The following CHRM3 variants were observed in gnomAD, a reference collection of about 807,000 sequenced individuals.
CHRM3 encodes muscarinic acetylcholine receptor M3.
In CHRM3, 11 loss-of-function variants were observed where a neutral mutation model predicts 41.8. The observed-to-expected ratio is 0.26, with a 90% CI of 0.17 to 0.44. CHRM3 has a LOEUF of 0.44. Among genes scored for constraint, CHRM3 ranks in the 20% least tolerant of loss-of-function variants. The pLI is 1.00. For missense variants in CHRM3, 571 were observed against 745.4 expected (o/e 0.77, Z 2.72); for synonymous variants, 297 against 301.4 (o/e 0.99, Z 0.15).
chr1:239,446,170 C>A (rs4584379), intron 1 of CHRM3, among the ~76,000 whole-genome samples: 1 of 151,590 alleles, frequency 6.6e-6, no homozygotes, highest in Non-Finnish European at 1.5e-5. Context: ...CTCCTGACCT[C>A]GTGATCCGCC....
At chr1:239,864,777 A>G (rs12097595) in intron 6 of CHRM3, among the ~76,000 whole-genome samples, 6,258 of 152,240 alleles carry the variant, frequency 0.041, 440 homozygotes, top group African/African-American at 0.14. Flanking sequence ...TTGATTCTCT[A>G]CCTATAGAAT....
chr1:239,669,843 C>T (rs1375541858), intron 4 of CHRM3, among the ~76,000 whole-genome samples: 4 of 152,184 alleles, frequency 2.6e-5, no homozygotes, highest in Non-Finnish European at 5.9e-5. Context: ...ACCCACTATA[C>T]CCATCTTGCA....
intron 5 of CHRM3, among the ~76,000 whole-genome samples, chr1:239,779,559 C>A (rs1668357390): frequency 6.6e-6 from 1 of 152,190 alleles, no homozygotes; most frequent in South Asian, 2.1e-4. Context: ...CATGGCAAAA[C>A]CGCGTCTCTA....
intron 3 of CHRM3, among the ~76,000 whole-genome samples, chr1:239,599,979 A>G (rs756853460): frequency 6.6e-6 from 1 of 152,180 alleles, no homozygotes; most frequent in Non-Finnish European, 1.5e-5. Flanking sequence ...ACTCTCACAC[A>G]TAAAATGCAC....
chr1:239,868,291 A>T (rs1166596478), intron 6 of CHRM3, among the ~76,000 whole-genome samples: 1 of 152,194 alleles, frequency 6.6e-6, no homozygotes, highest in East Asian at 1.9e-4. Context: ...CTCTAGTACA[A>T]ATCTCCACTG....
chr1:239,566,160 C>G (rs568903434), intron 3 of CHRM3, among the ~76,000 whole-genome samples: 1 of 152,032 alleles, frequency 6.6e-6, no homozygotes, highest in African/African-American at 2.4e-5. Flanking sequence ...GCAATTCTCC[C>G]GCCCTCTCTC....
rs191724207 is a variant in CHRM3 at position 239,904,599 on chromosome 1, T to C, written c.-19-2834T>C. Among the ~76,000 whole-genome samples, 10 of 152,274 alleles carry C rather than the reference T, an allele frequency of 6.6e-5. 1 individual carries two copies. The highest frequency in any genetic ancestry group is 1.5e-5 in the Non-Finnish European group (1 of 68,016). The stretch of plus-strand genomic sequence containing the variant: ...GAATGTAATTGTGGGCTACAAACAG[T>C]GTGTAACACTTCCCAAACCCAGACA... On this transcript the variant is annotated intron_variant, in intron 6 of 6. Transcript: ENST00000676153.
chr1:239,777,350 C>T (rs967008747), intron 5 of CHRM3, among the ~76,000 whole-genome samples: 5 of 152,128 alleles, frequency 3.3e-5, no homozygotes, highest in African/African-American at 1.2e-4. Context: ...TCTCAAGGAA[C>T]TGTGATTGAA....
At position 239,907,478 on chromosome 1, in the gene CHRM3, C is replaced by T; in HGVS notation, c.27C>T (p.Thr9=). MTLHNNST[T]SPLFPNISSS... ...TGACCTTGCACAATAACAGTACAAC[C>T]TCGCCTTTGTTTCCAAACATCAGCT... is the stretch of plus-strand genomic sequence containing the variant. The change falls in exon 7 of 7, where the codon ACC becomes ACT. Residue 9 remains threonine, a synonymous_variant. Transcript: ENST00000676153. This position sits in a 1 kb window ranked among gnomAD's most constrained non-coding sequence, Gnocchi z 5.4. The T allele has an allele frequency of 6.2e-7, 1 of 1,614,042 alleles. No individual in the cohort carries two copies. The highest frequency in any genetic ancestry group is 2.2e-5 in the East Asian group (1 of 44,876).
chr1:239,564,836 T>C (rs138634124), intron 3 of CHRM3, among the ~76,000 whole-genome samples: 94 of 152,282 alleles, frequency 6.2e-4, no homozygotes, highest in African/African-American at 2.2e-3. Context: ...TAAAATGCCA[T>C]GTACTTATTT....
rs932637041 is a variant in CHRM3 at position 239,410,598 on chromosome 1, T to C, written c.-521+23371T>C. 2.0e-5 allele frequency among the ~76,000 whole-genome samples: 3 copies of C among 152,208 alleles called. No individual in the cohort carries two copies. In the East Asian group the frequency reaches 5.8e-4, roughly 29 times the overall value. On this transcript the variant is annotated intron_variant, in intron 1 of 6. Transcript: ENST00000676153. Reference sequence around the variant, plus strand: ...GCGAGACAGCAGTGATCTCACGGTCTGTCACATCTCATAGTCTTTTACCTC... The same window carrying C: ...GCGAGACAGCAGTGATCTCACGGTCCGTCACATCTCATAGTCTTTTACCTC...
chr1:239,886,554 T>C (rs1678089222), intron 6 of CHRM3: 1 of 152,198 alleles, frequency 6.6e-6, no homozygotes, highest in African/African-American at 2.4e-5. Flanking sequence ...GAGCGTAACA[T>C]CTGGTCAGAG....
chr1:239,710,978 A>G (rs1316737080), intron 5 of CHRM3, among the ~76,000 whole-genome samples: 1 of 151,886 alleles, frequency 6.6e-6, no homozygotes, highest in African/African-American at 2.4e-5. Context: ...TGAGTTTTCA[A>G]AACTATTTGA....
At chr1:239,605,899 A>C (rs1405640908) in intron 3 of CHRM3, 2 of 152,206 alleles carry the variant, frequency 1.3e-5, no homozygotes, top group Non-Finnish European at 2.9e-5. Context: ...CTTTAGGTTC[A>C]GTTTCCAAGG....
chr1:239,757,332 A>G (rs1472800591), intron 5 of CHRM3, among the ~76,000 whole-genome samples: 1 of 152,150 alleles, frequency 6.6e-6, no homozygotes, highest in Non-Finnish European at 1.5e-5. Flanking sequence ...TATACAACCT[A>G]TTTTGAAGGA....
At chr1:239,725,496 T>A (rs976314295) in intron 5 of CHRM3, among the ~76,000 whole-genome samples, 2 of 151,974 alleles carry the variant, frequency 1.3e-5, no homozygotes, top group Non-Finnish European at 2.9e-5. Flanking sequence ...GATGTTTCTA[T>A]GCCAAAATGT....
At chr1:239,812,848 G>A (rs957302894) in intron 5 of CHRM3, among the ~76,000 whole-genome samples, 1 of 152,172 alleles carries the variant, frequency 6.6e-6, no homozygotes, top group African/African-American at 2.4e-5. Flanking sequence ...AATGTCCAAG[G>A]TCACATAGGT....
intron 6 of CHRM3, among the ~76,000 whole-genome samples, chr1:239,845,033 A>G (rs1674149446): frequency 6.6e-6 from 1 of 152,192 alleles, no homozygotes; most frequent in South Asian, 2.1e-4. Flanking sequence ...GGACTAGTCT[A>G]TTTTCAAGAT....
rs150671768 is a variant in CHRM3 at position 239,767,000 on chromosome 1, C to T, written c.-146-60252C>T. 5.1e-3 allele frequency among the ~76,000 whole-genome samples: 775 copies of T among 152,312 alleles called. 30 individuals carry two copies. In the South Asian group the frequency reaches 0.094, roughly 18 times the overall value. ...GTGCTGGGATTACAGGCATGAACCA[C>T]CATGCTTGGCCTCACCATATATATA... On this transcript the variant is annotated intron_variant, in intron 5 of 6. Transcript: ENST00000676153.
Sources: allele counts gnomAD v4.1 joint callset (sites outside exome capture counted in the v4.1 genomes callset), GRCh38; gene constraint gnomAD v4.1.1; non-coding constraint Gnocchi (gnomAD v3.1); transcripts MANE v1.5; gene names NCBI Gene and HGNC (gene_info 2026-07-23, HGNC 2026-07-21).